AXIN2: variants seen among roughly 807,000 people sequenced by gnomAD.
The protein encoded by AXIN2 is axin-2.
In AXIN2, 21 loss-of-function variants were observed where a neutral mutation model predicts 74.7. The observed-to-expected ratio is 0.28, with a 90% confidence interval of 0.20 to 0.40. The LOEUF is 0.40. Ranked by LOEUF, AXIN2 falls within the 10% of genes least tolerant of loss-of-function variation. The pLI is 1.00. For missense variants in AXIN2, 1,144 were observed against 1,111.1 expected, an observed-to-expected ratio of 1.03 and a Z score of -0.42; for synonymous variants, 532 against 454.9, an observed-to-expected ratio of 1.17 and a Z score of -2.16.
In AXIN2 at chr17:65,529,633, G is replaced by A. The variant is rs1394986564; in HGVS notation, c.*343C>T. ...TCAGTAAGGATTCCTGTTCAGGTAAGCTATACACAGTTTCTCTTAGTTTAT... is the reference window on the plus strand; with the variant it reads ...TCAGTAAGGATTCCTGTTCAGGTAAACTATACACAGTTTCTCTTAGTTTAT... On this transcript the variant is annotated 3_prime_UTR_variant, in exon 11 of 11. Transcript: ENST00000307078. 2.3e-6 allele frequency: 1 copy of A among 434,454 alleles called. No homozygotes were observed. The highest frequency in any genetic ancestry group is 2.0e-5 in the African/African-American group (1 of 50,942). The allele number at this position is 434,454 out of a possible 1,614,324, so 26.9% of individuals were successfully genotyped here.
In AXIN2 at chr17:65,534,092, T is replaced by C. The variant is rs752899234; in HGVS notation, c.2238-13A>G. 6 of 1,614,082 alleles carry C rather than the reference T, an allele frequency of 3.7e-6. No homozygotes were observed. The highest frequency in any genetic ancestry group is 5.1e-6 in the Non-Finnish European group (6 of 1,179,990). The stretch of plus-strand genomic sequence containing the variant: ...TGGCTCTTTGTGACTGAAAATAAGA[T>C]GGAATGGAACAAGTTTAGCATTTTA... On this transcript the variant is annotated splice_polypyrimidine_tract_variant and intron_variant, in intron 9 of 10. Transcript: ENST00000307078.
intron 2 of AXIN2, among the ~76,000 whole-genome samples, chr17:65,551,126 G>C (rs907021075): frequency 2.0e-5 from 3 of 152,138 alleles, no homozygotes; most frequent in Admixed American, 2.0e-4. Context: ...GAGTGCCTTA[G>C]TACAGGTAAC....
chr17:65,541,025 C>T (rs1017450685), intron 4 of AXIN2, among the ~76,000 whole-genome samples: 9 of 152,078 alleles, frequency 5.9e-5, no homozygotes, highest in East Asian at 1.9e-4. Flanking sequence ...TACAGGCGCA[C>T]GTCACCACGC....
Position 65,536,317 on chromosome 17 carries a change from C to T in AXIN2, c.2141+3G>A, listed in dbSNP as rs1318855105. 6.2e-7 allele frequency: 1 copy of T among 1,606,890 alleles called. No individual in the cohort carries two copies. Among genetic ancestry groups the T allele is most frequent in the Non-Finnish European group, 8.5e-7 (1 of 1,177,474 alleles). On this transcript the variant is annotated splice_donor_region_variant and intron_variant, in intron 8 of 10. Transcript: ENST00000307078. ...CAACCTAGGACCCTTCACTTCCACT[C>T]ACCGCTGCTTTGGGGGCTTCGACAC...
intron 3 of AXIN2, among the ~76,000 whole-genome samples, chr17:65,542,635 A>T (rs1014022923): frequency 6.6e-5 from 10 of 152,248 alleles, no homozygotes; most frequent in Non-Finnish European, 1.2e-4. Context: ...CTGCCACTCC[A>T]GCTAGTGTTC....
chr17:65,536,690 G>A lies in AXIN2; in HGVS notation c.1908-137C>T, dbSNP rs559288904. 18 of 1,367,300 alleles carry A rather than the reference G, an allele frequency of 1.3e-5. No individual in the cohort carries two copies. In the African/African-American group the frequency reaches 2.3e-4, roughly 18 times the overall value. 84.7% of individuals were successfully genotyped at this position (1,367,300 alleles called of 1,614,324 possible). On this transcript the variant is annotated intron_variant, in intron 7 of 10. Coordinates refer to ENST00000307078, the MANE Select transcript of AXIN2 (RefSeq NM_004655.4). ...AAAAAAACTACCATAACATGAACAG[G>A]GGTCAGTGCCAAAACATGACATTTT...
At position 65,556,651 on chromosome 17, in the gene AXIN2, C is replaced by T. The variant is rs72856682; in HGVS notation, c.815+1155G>A. Among the ~76,000 whole-genome samples, 870 of 152,246 alleles carry T rather than the reference C, an allele frequency of 5.7e-3. 3 individuals carry two copies. Among genetic ancestry groups the T allele is most frequent in the Middle Eastern group, 0.024 (7 of 294 alleles). ...CTCTGCCGCCCCTAAAATCATGGCCCGCTAGGCTCAGACCTGGCCACCCTG... is the reference window on the plus strand; with the variant it reads ...CTCTGCCGCCCCTAAAATCATGGCCTGCTAGGCTCAGACCTGGCCACCCTG... On this transcript the variant is annotated intron_variant, in intron 2 of 10. Transcript: ENST00000307078.
chr17:65,556,802 CAG>C (rs1297096696), intron 2 of AXIN2, among the ~76,000 whole-genome samples: 2 of 152,164 alleles, frequency 1.3e-5, no homozygotes, highest in Non-Finnish European at 2.9e-5. Context: ...CCCTAACACA[CAG>C]AGAAATTCAC....
At position 65,557,890 on chromosome 17, in the gene AXIN2, G is replaced by C. The variant is rs199798353; in HGVS notation, c.731C>G (p.Ser244Trp). Residue 244 changes from serine (S) to tryptophan (W), a missense_variant, in exon 2 of 11, where the codon TCG becomes TGG. By Grantham distance (177) the Ser-to-Trp change is radical. Coordinates refer to ENST00000307078, the MANE Select transcript of AXIN2 (RefSeq NM_004655.4). ...GCTGGACAAGCCAACCACGGTTGGC[G>C]AAAGTTTGCACTTGAAGTCGGCACA... ...WTCADFKCKL[S>W]PTVVGLSSKT... The C allele has an allele frequency of 6.8e-6, 11 of 1,614,040 alleles. No homozygotes were observed. The highest frequency in any genetic ancestry group is 1.7e-5 in the Admixed American group (1 of 60,002).
intron 3 of AXIN2, among the ~76,000 whole-genome samples, chr17:65,548,501 C>CT (rs1290634837): frequency 9.2e-5 from 14 of 152,216 alleles, no homozygotes; most frequent in Admixed American, 6.5e-4. Flanking sequence ...AAAATTGTTC[C>CT]TTTAGCAGGC....
At position 65,558,103 on chromosome 17, in the gene AXIN2, T is replaced by C; in HGVS notation, c.518A>G (p.Gln173Arg). 6.2e-7 allele frequency: 1 copy of C among 1,614,168 alleles called. No homozygotes were observed. ...KQQIDSIMFD[Q>R]AQTEIQSVME... The stretch of plus-strand genomic sequence containing the variant: ...CACCGACTGGATCTCGGTCTGCGCC[T>C]GGTCAAACATGATGGAATCAATCTG... The change falls in exon 2 of 11, where the codon CAG becomes CGG. Residue 173 changes from glutamine to arginine, a missense_variant. Transcript: ENST00000307078.
Position 65,535,569 on chromosome 17 carries a change from T to C in AXIN2, c.2237+57A>G, listed in dbSNP as rs1335044981. On this transcript the variant is annotated intron_variant, in intron 9 of 10. Transcript: ENST00000307078. ...TGAAAATGAAACTCCAGATAGCGAA[T>C]ATTCTGAAACATAAAGCACTCGGCA... The C allele has an allele frequency of 2.6e-6, 4 of 1,537,618 alleles. No homozygotes were observed. The African/African-American group carries it at 4.1e-5, about 16-fold the overall frequency.
intron 4 of AXIN2, 142 bp downstream of exon 4, chr17:65,541,313 T>C (rs887400463): frequency 5.2e-6 from 4 of 764,046 alleles, no homozygotes; most frequent in Non-Finnish European, 9.3e-6. Context: ...TCCAGTTCTT[T>C]TCTCTCCCTT....
At chr17:65,531,091 G>A (rs1311285301) in intron 10 of AXIN2, among the ~76,000 whole-genome samples, 1 of 152,086 alleles carries the variant, frequency 6.6e-6, no homozygotes, top group Non-Finnish European at 1.5e-5. Flanking sequence ...AGCCCATAAA[G>A]GCCACTCACA....
At chr17:65,536,577 A>G (rs757694911) in intron 7 of AXIN2, 24 bp from the exon 8 acceptor site, 1 of 1,612,002 alleles carries the variant, frequency 6.2e-7, no homozygotes, top group Non-Finnish European at 8.5e-7. Context: ...GAGCAGAGAG[A>G]AAACAGAAGG....
chr17:65,528,704 G>C lies in AXIN2; in HGVS notation c.*1272C>G. ...ACAAAATGTCATGACAAAAGTCATTGAGTACAAGACTTGTAATAAAAAGGC... is the reference window on the plus strand; with the variant it reads ...ACAAAATGTCATGACAAAAGTCATTCAGTACAAGACTTGTAATAAAAAGGC... On this transcript the variant is annotated 3_prime_UTR_variant, in exon 11 of 11. Coordinates refer to ENST00000307078, the MANE Select transcript of AXIN2 (RefSeq NM_004655.4). The C allele has an allele frequency of 2.0e-6, 1 of 511,352 alleles. No homozygotes were observed. Among genetic ancestry groups the C allele is most frequent in the Non-Finnish European group, 3.7e-6 (1 of 270,482 alleles). The allele number at this position is 511,352 out of a possible 1,614,324, so 31.7% of individuals were successfully genotyped here. A position where few individuals can be genotyped will look rare whatever the true frequency, so the allele number is the denominator to read the frequency against.
chr17:65,528,938 G>C lies in AXIN2; in HGVS notation c.*1038C>G. ...GTAACAATGGCAAACAGAATGTACAGATTAACTTAACACAAAAACCCGAAC... is the reference window on the plus strand; with the variant it reads ...GTAACAATGGCAAACAGAATGTACACATTAACTTAACACAAAAACCCGAAC... On this transcript the variant is annotated 3_prime_UTR_variant, in exon 11 of 11. Coordinates refer to ENST00000307078, the MANE Select transcript of AXIN2 (RefSeq NM_004655.4). 3.5e-6 allele frequency: 1 copy of C among 288,606 alleles called. No homozygotes were observed. Among genetic ancestry groups the C allele is most frequent in the Non-Finnish European group, 6.5e-6 (1 of 154,648 alleles). The allele number at this position is 288,606 out of a possible 1,614,324, so 17.9% of individuals were successfully genotyped here. A position where few individuals can be genotyped will look rare whatever the true frequency, so the allele number is the denominator to read the frequency against.
At chr17:65,536,650 A>T in intron 7 of AXIN2, 97 bp from the exon 8 acceptor site, 1 of 1,434,258 alleles carries the variant, frequency 7.0e-7, no homozygotes, top group South Asian at 1.2e-5. Context: ...TATTCTGCTC[A>T]GAGAGAGAGT....
chr17:65,533,793 C>A, intron 10 of AXIN2, 119 bp downstream of exon 10: 1 of 1,042,630 alleles, frequency 9.6e-7, no homozygotes, highest in Admixed American at 2.0e-5. Flanking sequence ...CCAGCGCCTG[C>A]TGAGCCCCCT....
Sources: allele counts gnomAD v4.1 joint callset (sites outside exome capture counted in the v4.1 genomes callset), GRCh38; gene constraint gnomAD v4.1.1; transcripts MANE v1.5; gene names NCBI Gene and HGNC (gene_info 2026-07-23, HGNC 2026-07-21).